Variants in RNF220 observed in about 807,000 individuals in gnomAD.
The protein encoded by RNF220 is E3 ubiquitin-protein ligase RNF220.
Under a neutral mutation model 67.1 loss-of-function variants are expected in RNF220, and 7 were observed. That is an observed-to-expected ratio of 0.10 (90% CI 0.06 to 0.20). The LOEUF (loss-of-function observed/expected upper bound fraction) is 0.20, where lower values mean the gene tolerates loss of function less well. RNF220 is among the 10% of genes least tolerant of loss of function. The pLI is 1.00. For synonymous variants in RNF220, 270 were observed against 283.2 expected, an observed-to-expected ratio of 0.95 and a Z score of 0.47; for missense variants, 565 against 740.3, an observed-to-expected ratio of 0.76 and a Z score of 2.75.
At chr1:44,541,892 A>G (rs1661701213) in intron 2 of RNF220, among the ~76,000 whole-genome samples, 1 of 152,330 alleles carries the variant, frequency 6.6e-6, no homozygotes, top group Admixed American at 6.5e-5. Flanking sequence ...ATAAAATTAA[A>G]TTTTGAGAGA....
intron 2 of RNF220, among the ~76,000 whole-genome samples, chr1:44,527,445 C>G (rs1660462169): frequency 6.6e-6 from 1 of 151,966 alleles, no homozygotes; most frequent in Admixed American, 6.6e-5. Context: ...GAGTTCCTTG[C>G]CTTGTACCTT....
At position 44,645,281 on chromosome 1, in the gene RNF220, G is replaced by A; in HGVS notation, c.1366+5G>A. The A allele has an allele frequency of 6.2e-7, 1 of 1,614,102 alleles. No homozygotes were observed. The highest frequency in any genetic ancestry group is 8.5e-7 in the Non-Finnish European group (1 of 1,179,992). ...TCTCTAAATGGGCCAGTGATGGTAA[G>A]TCCTGCCCCAGGTTAGGAGTAATGG... is the stretch of plus-strand genomic sequence containing the variant. On this transcript the variant is annotated splice_donor_5th_base_variant and intron_variant, in intron 11 of 14. Coordinates refer to ENST00000361799, the MANE Select transcript of RNF220 (RefSeq NM_018150.4). The surrounding 1 kb of genome is among the most constrained non-coding windows in gnomAD (Gnocchi z 5.0).
At chr1:44,505,837 C>A (rs1040085633) in intron 2 of RNF220, among the ~76,000 whole-genome samples, 1 of 152,062 alleles carries the variant, frequency 6.6e-6, no homozygotes, top group Non-Finnish European at 1.5e-5. Flanking sequence ...CTGGGTTTTT[C>A]TTTTTTCCTC....
At chr1:44,568,691 G>A (rs887317673) in intron 2 of RNF220, among the ~76,000 whole-genome samples, 1 of 152,252 alleles carries the variant, frequency 6.6e-6, no homozygotes, top group African/African-American at 2.4e-5. Context: ...TGCGAAGGCA[G>A]GAGAGTGGCA....
At chr1:44,521,293 G>A (rs1043584217) in intron 2 of RNF220, among the ~76,000 whole-genome samples, 4 of 152,148 alleles carry the variant, frequency 2.6e-5, no homozygotes, top group South Asian at 2.1e-4. Flanking sequence ...AAACATCTCC[G>A]GACTATCAAG....
intron 2 of RNF220, among the ~76,000 whole-genome samples, chr1:44,611,685 A>G (rs1466636333): frequency 5.3e-5 from 8 of 150,674 alleles, no homozygotes; most frequent in Non-Finnish European, 1.0e-4. Context: ...TATCCTCCTC[A>G]TAGTTCTCAC....
chr1:44,644,541 T>C (rs1437650244), intron 8 of RNF220, 157 bp from the exon 9 acceptor site: 1 of 601,328 alleles, frequency 1.7e-6, no homozygotes. Context: ...AATGTCAGGG[T>C]CAGGGGCACT....
chr1:44,416,519 C>T (rs578068883), intron 2 of RNF220, among the ~76,000 whole-genome samples: 1 of 152,250 alleles, frequency 6.6e-6, no homozygotes, highest in Non-Finnish European at 1.5e-5. Context: ...TCAGGCTGCC[C>T]CTGTGCCCAG....
At chr1:44,515,150 C>G (rs1659352645) in intron 2 of RNF220, among the ~76,000 whole-genome samples, 3 of 152,172 alleles carry the variant, frequency 2.0e-5, no homozygotes, top group African/African-American at 7.2e-5. Context: ...TATTCCCTTC[C>G]CATTTTGCCT....
intron 2 of RNF220, among the ~76,000 whole-genome samples, chr1:44,562,759 A>G (rs1663678403): frequency 6.6e-6 from 1 of 152,194 alleles, no homozygotes; most frequent in East Asian, 1.9e-4. Flanking sequence ...TGTCACTGGG[A>G]AGGCTGGAGC....
intron 2 of RNF220, among the ~76,000 whole-genome samples, chr1:44,418,226 C>A (rs1177683215): frequency 4.6e-5 from 7 of 152,056 alleles, no homozygotes; most frequent in Non-Finnish European, 8.8e-5. Flanking sequence ...GGGATGGCCA[C>A]TGCGCGGGGA....
At chr1:44,489,345 A>C (rs1656642832) in intron 2 of RNF220, among the ~76,000 whole-genome samples, 1 of 152,262 alleles carries the variant, frequency 6.6e-6, no homozygotes. Context: ...ATTTCCGTAT[A>C]ACTATACATA....
intron 5 of RNF220, chr1:44,632,021 G>A: frequency 9.6e-7 from 1 of 1,047,080 alleles, no homozygotes; most frequent in Non-Finnish European, 1.2e-6. Flanking sequence ...CCGCCGCCGG[G>A]CAGCCACGGG....
At position 44,636,160 on chromosome 1, in the gene RNF220, G is replaced by A. The variant is rs144461708; in HGVS notation, c.1124G>A (p.Arg375Gln). ...RATTLLEGGF[R>Q]GSGFIMCSGK... ...ACCACTCTCCTGGAAGGTGGCTTCC[G>A]AGGTACAAGCAGCTGACACGTAGAC... The change falls in exon 8 of 15, where the codon CGA becomes CAA. Residue 375 changes from arginine (R) to glutamine (Q), a missense_variant and splice_region_variant. Arg to Gln is a conservative substitution (Grantham distance 43). Coordinates refer to ENST00000361799, the MANE Select transcript of RNF220 (RefSeq NM_018150.4). 80 of 1,600,522 alleles carry A rather than the reference G, an allele frequency of 5.0e-5. No homozygotes were observed. Among genetic ancestry groups the A allele is most frequent in the African/African-American group, 3.9e-4 (29 of 74,860 alleles).
chr1:44,511,906 C>CGTGTGTGCGTGT (rs1553234619), intron 2 of RNF220, among the ~76,000 whole-genome samples: 1 of 80,022 alleles, frequency 1.2e-5, no homozygotes, highest in Admixed American at 1.1e-4. Context: ...AATTGAGAAG[C>CGTGTGTGCGTGT]GTGTGTGTGC....
chr1:44,573,319 T>C (rs1431655316), intron 2 of RNF220, among the ~76,000 whole-genome samples: 1 of 152,190 alleles, frequency 6.6e-6, no homozygotes, highest in Non-Finnish European at 1.5e-5. Flanking sequence ...GAGAGTTGCA[T>C]GGTCAGATTT....
intron 2 of RNF220, among the ~76,000 whole-genome samples, chr1:44,438,898 T>C (rs1379989514): frequency 6.6e-6 from 1 of 152,264 alleles, no homozygotes; most frequent in African/African-American, 2.4e-5. Flanking sequence ...CACTTTTTCA[T>C]TTATTACAGA....
At position 44,495,145 on chromosome 1, in the gene RNF220, T is replaced by C. The variant is rs184741680; in HGVS notation, c.625+82423T>C. On this transcript the variant is annotated intron_variant, in intron 2 of 14. Transcript: ENST00000361799. ...GGAGGATCACTTGAGGCTGGGAGGT[T>C]GAGGCTGCAATGAGCCATGATCATG... 3.8e-3 allele frequency among the ~76,000 whole-genome samples: 584 copies of C among 151,842 alleles called. 2 individuals are homozygous for C. Among genetic ancestry groups the C allele is most frequent in the African/African-American group, 0.014 (561 of 41,366 alleles).
chr1:44,442,042 T>G (rs1381692594), intron 2 of RNF220, among the ~76,000 whole-genome samples: 1 of 152,226 alleles, frequency 6.6e-6, no homozygotes, highest in African/African-American at 2.4e-5. Flanking sequence ...AAATTATAAC[T>G]CTTAACCTTG....
Sources: allele counts gnomAD v4.1 joint callset (sites outside exome capture counted in the v4.1 genomes callset), GRCh38; gene constraint gnomAD v4.1.1; non-coding constraint Gnocchi (gnomAD v3.1); transcripts MANE v1.5; gene names NCBI Gene and HGNC (gene_info 2026-07-23, HGNC 2026-07-21).